Variants in RNF145 observed in about 807,000 individuals in gnomAD.
RNF145 encodes ring finger protein 145.
RNF145 carries 12 observed loss-of-function variants against 57.3 expected under a neutral mutation model. That is an observed-to-expected ratio of 0.21 (90% CI 0.13 to 0.34). The LOEUF is 0.34. Among genes scored for constraint, RNF145 ranks in the 10% least tolerant of loss-of-function variants. The probability of loss-of-function intolerance (pLI) is 1.00; values close to 1 mark genes in which losing one functional copy is unlikely to be tolerated. For synonymous variants in RNF145, 262 were observed against 288.3 expected, an observed-to-expected ratio of 0.91 and a Z score of 0.92; for missense variants, 429 against 799.0, an observed-to-expected ratio of 0.54 and a Z score of 5.58.
chr5:159,209,152 A>C (rs1343955736), intron 1 of RNF145, 79 bp downstream of exon 1: 2 of 398,606 alleles, frequency 5.0e-6, no homozygotes, highest in African/African-American at 8.3e-5. Context: ...CTGCGACGCG[A>C]TGGGGGAGGG....
chr5:159,202,799 T>C (rs1442953765), intron 2 of RNF145, among the ~76,000 whole-genome samples: 1 of 152,102 alleles, frequency 6.6e-6, no homozygotes, highest in Non-Finnish European at 1.5e-5. Context: ...TCTAGGTAAA[T>C]TTTATCTGTT....
intron 2 of RNF145, among the ~76,000 whole-genome samples, chr5:159,198,338 A>C (rs561418317): frequency 6.6e-6 from 1 of 152,298 alleles, no homozygotes; most frequent in Non-Finnish European, 1.5e-5. Flanking sequence ...AATAAATCAA[A>C]ATGATGACCT....
Position 159,195,361 on chromosome 5 carries a change from AT to A in RNF145, c.185-538del, listed in dbSNP as rs569524255. Among the ~76,000 whole-genome samples, 610 of 152,060 alleles carry A rather than the reference AT, an allele frequency of 4.0e-3. 3 individuals carry two copies. Among genetic ancestry groups the A allele is most frequent in the Middle Eastern group, 0.014 (4 of 294 alleles). On this transcript the variant is annotated intron_variant, in intron 2 of 10. Coordinates refer to ENST00000424310, the MANE Select transcript of RNF145 (RefSeq NM_001199383.2). The stretch of plus-strand genomic sequence containing the variant: ...AAAAAATAAACTTCTTTTCACTGCG[AT>A]TTTTTTCCTATTATTTTTCTCATTC...
At chr5:159,189,467 T>C (rs1270926227) in intron 3 of RNF145, among the ~76,000 whole-genome samples, 1 of 152,196 alleles carries the variant, frequency 6.6e-6, no homozygotes, top group Non-Finnish European at 1.5e-5. Context: ...CTGGCAAGAA[T>C]GTAGACAAAT....
chr5:159,172,153 C>T (rs1784579841), intron 6 of RNF145, among the ~76,000 whole-genome samples: 1 of 152,140 alleles, frequency 6.6e-6, no homozygotes. Context: ...AACCACAGAA[C>T]TGTCTCTCTT....
Position 159,209,261 on chromosome 5 carries a change from G to C in RNF145, c.-70C>G. On this transcript the variant is annotated 5_prime_UTR_variant, in exon 1 of 11. Coordinates refer to ENST00000424310, the MANE Select transcript of RNF145 (RefSeq NM_001199383.2). ...GCTGCGGACTCCCTCCCTGGGGAGC[G>C]GCGCTGCCGGCGGGCGGGCTCCGCA... The C allele has an allele frequency of 1.0e-6, 1 of 985,318 alleles. No homozygotes were observed. The highest frequency in any genetic ancestry group is 1.2e-6 in the Non-Finnish European group (1 of 829,846). The allele number at this position is 985,318 out of a possible 1,614,324, so 61.0% of individuals were successfully genotyped here.
chr5:159,175,404 A>C (rs1327941361), intron 5 of RNF145, among the ~76,000 whole-genome samples: 2 of 152,108 alleles, frequency 1.3e-5, no homozygotes, highest in Non-Finnish European at 2.9e-5. Context: ...TGATGTATGA[A>C]TCTTATGGCA....
chr5:159,166,819 TG>T (rs1201890698), intron 8 of RNF145, among the ~76,000 whole-genome samples: 1 of 152,170 alleles, frequency 6.6e-6, no homozygotes, highest in African/African-American at 2.4e-5. Context: ...TCTTATAGTT[TG>T]AAAGTATTTG....
intron 6 of RNF145, among the ~76,000 whole-genome samples, chr5:159,172,008 T>C (rs1164128547): frequency 6.6e-6 from 1 of 152,194 alleles, no homozygotes; most frequent in Non-Finnish European, 1.5e-5. Flanking sequence ...TGTAAATAAG[T>C]CCAAATGCAT....
chr5:159,159,135 G>C, intron 10 of RNF145, 100 bp from the exon 11 acceptor site: 1 of 1,100,264 alleles, frequency 9.1e-7, no homozygotes, highest in Non-Finnish European at 1.3e-6. Context: ...TCCCACAATA[G>C]AAAATTTGTA....
At chr5:159,161,235 T>TACCCA (rs1314864849) in intron 10 of RNF145, 31 bp downstream of exon 10, 35 of 1,434,352 alleles carry the variant, frequency 2.4e-5, no homozygotes, top group Non-Finnish European at 2.9e-5. Context: ...CTGTATGACT[T>TACCCA]ACCCAAACAC....
At chr5:159,165,007 G>C (rs13178603) in intron 8 of RNF145, among the ~76,000 whole-genome samples, 21,374 of 152,228 alleles carry the variant, frequency 0.14, 1,663 homozygotes, top group Non-Finnish European at 0.19. Context: ...TTGAGAATTA[G>C]GACGCTTTTC....
chr5:159,162,450 C>T (rs1321525274), intron 9 of RNF145, among the ~76,000 whole-genome samples: 10 of 116,074 alleles, frequency 8.6e-5, no homozygotes, highest in East Asian at 4.5e-4. Context: ...TTTTTTGAGA[C>T]GGAGTCTCGC....
chr5:159,188,292 C>T (rs1785157952), intron 3 of RNF145, among the ~76,000 whole-genome samples: 1 of 151,494 alleles, frequency 6.6e-6, no homozygotes, highest in South Asian at 2.1e-4. Flanking sequence ...GAGGCTGAGG[C>T]AGGAGAATGG....
intron 4 of RNF145, among the ~76,000 whole-genome samples, chr5:159,177,252 T>C (rs149303086): frequency 0.011 from 1,638 of 152,204 alleles, 29 homozygotes; most frequent in African/African-American, 0.038. Context: ...GGTCTATAGG[T>C]GAAAGCATAA....
At chr5:159,183,728 T>C (rs1412302885) in intron 3 of RNF145, among the ~76,000 whole-genome samples, 2 of 152,194 alleles carry the variant, frequency 1.3e-5, no homozygotes, top group Non-Finnish European at 2.9e-5. Context: ...AATTTCTTTT[T>C]GGTCATAGCA....
chr5:159,194,066 T>G (rs779651958), intron 3 of RNF145, among the ~76,000 whole-genome samples: 12 of 152,200 alleles, frequency 7.9e-5, no homozygotes, highest in Non-Finnish European at 1.2e-4. Context: ...CTAGCAGACT[T>G]AGGTACACAG....
chr5:159,184,802 C>T (rs1020295134), intron 3 of RNF145, among the ~76,000 whole-genome samples: 1 of 151,682 alleles, frequency 6.6e-6, no homozygotes, highest in Non-Finnish European at 1.5e-5. Context: ...TTTTTTAAGC[C>T]TTCTCTTAAC....
chr5:159,178,759 T>C (rs1207418783), intron 4 of RNF145, among the ~76,000 whole-genome samples: 1 of 152,002 alleles, frequency 6.6e-6, no homozygotes, highest in Non-Finnish European at 1.5e-5. Context: ...TATTCCAAAA[T>C]GTAAAAAAAT....
Sources: gnomAD v4.1 joint callset for allele counts (sites outside exome capture counted in the v4.1 genomes callset) on GRCh38, gnomAD v4.1.1 for gene constraint, MANE v1.5 for transcripts, NCBI Gene and HGNC (gene_info 2026-07-23, HGNC 2026-07-21) for gene names.